MYO3B: variants seen among roughly 807,000 people sequenced by gnomAD.
The protein encoded by MYO3B is myosin IIIB.
Under a neutral mutation model 174.6 loss-of-function variants are expected in MYO3B, and 156 were observed. That is an observed-to-expected ratio of 0.89 (90% CI 0.78 to 1.02). The LOEUF is 1.02. MYO3B is among the 50% of genes least tolerant of loss of function. The probability of loss-of-function intolerance (pLI) is 0.00; values close to 1 mark genes in which losing one functional copy is unlikely to be tolerated. For missense variants in MYO3B, 1,632 were observed against 1,639.4 expected (o/e 1.00, Z 0.08); for synonymous variants, 563 against 569.1 (o/e 0.99, Z 0.15).
At chr2:170,352,494 A>G (rs1296540729) in intron 8 of MYO3B, among the ~76,000 whole-genome samples, 1 of 152,236 alleles carries the variant, frequency 6.6e-6, no homozygotes, top group Non-Finnish European at 1.5e-5. Context: ...ATTTCTATCT[A>G]TATGACCATG....
At chr2:170,500,303 C>T (rs1302473266) in intron 27 of MYO3B, among the ~76,000 whole-genome samples, 2 of 152,062 alleles carry the variant, frequency 1.3e-5, no homozygotes, top group Non-Finnish European at 2.9e-5. Context: ...CAAAGGTTTA[C>T]GAGGGAAATG....
chr2:170,220,447 G>A (rs6433181), intron 6 of MYO3B, among the ~76,000 whole-genome samples: 61,512 of 150,994 alleles, frequency 0.41, 13,023 homozygotes, highest in Non-Finnish European at 0.47. Context: ...TGGCTAACAC[G>A]GTGAAACCCC....
At chr2:170,501,260 C>G (rs919585447) in intron 27 of MYO3B, among the ~76,000 whole-genome samples, 1 of 152,184 alleles carries the variant, frequency 6.6e-6, no homozygotes, top group African/African-American at 2.4e-5. Context: ...GCATACCTCT[C>G]GGCACAGAAT....
At chr2:170,599,452 A>G (rs951955827) in intron 32 of MYO3B, among the ~76,000 whole-genome samples, 1 of 152,226 alleles carries the variant, frequency 6.6e-6, no homozygotes, top group Non-Finnish European at 1.5e-5. Flanking sequence ...TCTATTTATC[A>G]TTTGTTTGTT....
intron 25 of MYO3B, among the ~76,000 whole-genome samples, chr2:170,473,982 C>T (rs985401297): frequency 2.6e-5 from 4 of 152,168 alleles, no homozygotes; most frequent in African/African-American, 9.7e-5. Context: ...TAACAAGTAA[C>T]TGAAACTCAA....
At chr2:170,470,149 C>G (rs1292925785) in intron 25 of MYO3B, among the ~76,000 whole-genome samples, 1 of 137,674 alleles carries the variant, frequency 7.3e-6, no homozygotes, top group Non-Finnish European at 1.6e-5. Context: ...GTATACAGTT[C>G]AAAGGTTTTT....
chr2:170,572,831 C>T (rs111431055), intron 32 of MYO3B, among the ~76,000 whole-genome samples: 6 of 152,100 alleles, frequency 3.9e-5, no homozygotes, highest in Admixed American at 1.3e-4. Context: ...AATATTATGT[C>T]GTGAATCTCC....
chr2:170,245,397 G>C (rs1463000378), intron 7 of MYO3B, among the ~76,000 whole-genome samples: 3 of 152,184 alleles, frequency 2.0e-5, no homozygotes, highest in African/African-American at 7.2e-5. Flanking sequence ...TGAAACATGA[G>C]GTTTGATAGA....
At chr2:170,485,629 G>A (rs1342123704) in intron 25 of MYO3B, among the ~76,000 whole-genome samples, 3 of 152,044 alleles carry the variant, frequency 2.0e-5, no homozygotes, top group African/African-American at 7.3e-5. Flanking sequence ...TCCTCTACTG[G>A]TGGATACTAA....
In MYO3B at chr2:170,330,644, G is replaced by T. The variant is rs536212734; in HGVS notation, c.750-4741G>T. Among the ~76,000 whole-genome samples the T allele has an allele frequency of 2.6e-5, 4 of 152,268 alleles. No individual in the cohort carries two copies. The South Asian group carries it at 8.3e-4, about 32-fold the overall frequency. On this transcript the variant is annotated intron_variant, in intron 7 of 34. Transcript: ENST00000408978. ...TCTGTCTCTGACCCACCATGTATGTGTGTATAATGGTTGTGACATCAGCTA... is the reference window on the plus strand; with the variant it reads ...TCTGTCTCTGACCCACCATGTATGTTTGTATAATGGTTGTGACATCAGCTA...
chr2:170,519,718 T>A (rs993423403), intron 30 of MYO3B, 178 bp downstream of exon 30: 17 of 530,028 alleles, frequency 3.2e-5, no homozygotes, highest in Non-Finnish European at 5.1e-5. Context: ...ATGCCTGTAA[T>A]CCCAGCACTT....
At chr2:170,584,953 G>A (rs1006254239) in intron 32 of MYO3B, among the ~76,000 whole-genome samples, 8 of 152,196 alleles carry the variant, frequency 5.3e-5, no homozygotes, top group Admixed American at 2.0e-4. Flanking sequence ...TTATCAGCTC[G>A]TGAAATGCAG....
chr2:170,441,176 G>A (rs2094798355), intron 22 of MYO3B, among the ~76,000 whole-genome samples: 1 of 152,076 alleles, frequency 6.6e-6, no homozygotes, highest in Non-Finnish European at 1.5e-5. Flanking sequence ...CTTTTAATGT[G>A]GAATCTTTAA....
chr2:170,432,639 C>T (rs1455836875), intron 22 of MYO3B, among the ~76,000 whole-genome samples: 3 of 151,000 alleles, frequency 2.0e-5, no homozygotes, highest in Non-Finnish European at 2.9e-5. Context: ...TGCAGTGGCA[C>T]GATCTCGGCT....
chr2:170,501,495 A>G (rs115172324), intron 27 of MYO3B, among the ~76,000 whole-genome samples: 402 of 152,304 alleles, frequency 2.6e-3, no homozygotes, highest in Middle Eastern at 6.8e-3. Context: ...ACAGGAAACC[A>G]TCTCACCTGG....
At chr2:170,490,612 T>C (rs1686408813) in intron 25 of MYO3B, among the ~76,000 whole-genome samples, 1 of 152,198 alleles carries the variant, frequency 6.6e-6, no homozygotes, top group African/African-American at 2.4e-5. Context: ...TCTTGATTTG[T>C]TCCTAATCTT....
intron 23 of MYO3B, among the ~76,000 whole-genome samples, chr2:170,462,939 G>C (rs7598900): frequency 6.6e-6 from 1 of 152,078 alleles, no homozygotes; most frequent in East Asian, 1.9e-4. Flanking sequence ...GTCTGACGAC[G>C]TGGAAGGCAA....
intron 30 of MYO3B, among the ~76,000 whole-genome samples, chr2:170,533,726 A>AAT (rs1164700612): frequency 6.6e-6 from 1 of 152,260 alleles, no homozygotes; most frequent in Non-Finnish European, 1.5e-5. Context: ...CATAAACAAT[A>AAT]AGTAACCACA....
chr2:170,556,285 C>A (rs1012580756), intron 32 of MYO3B, among the ~76,000 whole-genome samples: 6 of 151,998 alleles, frequency 3.9e-5, no homozygotes, highest in Admixed American at 6.6e-5. Flanking sequence ...TATGAGTGAA[C>A]CTACCATAAA....
Sources: gnomAD v4.1 joint callset for allele counts (sites outside exome capture counted in the v4.1 genomes callset) on GRCh38, gnomAD v4.1.1 for gene constraint, MANE v1.5 for transcripts, NCBI Gene and HGNC (gene_info 2026-07-23, HGNC 2026-07-21) for gene names.